Variants in PACSIN1 observed in about 807,000 individuals in gnomAD.
PACSIN1 encodes the protein protein kinase C and casein kinase substrate in neurons 1.
Under a neutral mutation model 59.5 loss-of-function variants are expected in PACSIN1, and 15 were observed. That is an observed-to-expected ratio of 0.25 (90% confidence interval 0.17 to 0.39). The LOEUF is 0.39. PACSIN1 is among the 10% of genes least tolerant of loss of function. PACSIN1 has a pLI of 1.00. For synonymous variants in PACSIN1, 210 were observed against 220.6 expected (o/e 0.95, Z 0.42); for missense variants, 420 against 580.2 (o/e 0.72, Z 2.84).
chr6:34,528,915 G>GGGGGGGGGGGC, intron 4 of PACSIN1, 38 bp downstream of exon 4: 2 of 653,172 alleles, frequency 3.1e-6, no homozygotes, highest in East Asian at 4.3e-5. Flanking sequence ...GGTGGGGTGG[G>GGGGGGGGGGGC]CCCGTCTGAT....
At chr6:34,487,984 C>T (rs923568591) in intron 1 of PACSIN1, among the ~76,000 whole-genome samples, 1 of 152,148 alleles carries the variant, frequency 6.6e-6, no homozygotes, top group Non-Finnish European at 1.5e-5. Context: ...GGTCTCTTTT[C>T]CTGGGGAGGC....
intron 1 of PACSIN1, among the ~76,000 whole-genome samples, chr6:34,508,093 A>C (rs1363230865): frequency 7.2e-6 from 1 of 139,720 alleles, no homozygotes; most frequent in Non-Finnish European, 1.6e-5. Flanking sequence ...ATCGTATGGT[A>C]GTTCTTTTTT....
chr6:34,494,901 G>A (rs1766926366), intron 1 of PACSIN1, among the ~76,000 whole-genome samples: 1 of 152,202 alleles, frequency 6.6e-6, no homozygotes, highest in South Asian at 2.1e-4. Flanking sequence ...AACACTGGTT[G>A]GTTGCTGTCT....
rs1767598260 is a variant in PACSIN1, at chr6:34,531,723, A to T, written c.1161A>T (p.Gly387=). Residue 387 remains glycine, a synonymous_variant, in exon 9 of 10, where the codon GGA becomes GGT. Transcript: ENST00000244458. The surrounding 1 kb of genome is among the most constrained non-coding windows in gnomAD (Gnocchi z 4.4). The stretch of plus-strand genomic sequence containing the variant: ...ACCCCTTTGAGGACGACTCCAAGGG[A>T]GTGCGCGTGCGGGCACTCTACGACT... ...GANPFEDDSK[G]VRVRALYDYD... is the part of the protein sequence containing the mutation. 1 of 1,607,644 alleles carries T rather than the reference A, an allele frequency of 6.2e-7. No individual in the cohort carries two copies.
chr6:34,470,890 A>G (rs544190125), intron 1 of PACSIN1, among the ~76,000 whole-genome samples: 10 of 152,272 alleles, frequency 6.6e-5, no homozygotes, highest in African/African-American at 2.4e-4. Flanking sequence ...AAAAAACTGT[A>G]TTTGTCATTT....
At chr6:34,517,349 T>C (rs1767311237) in intron 1 of PACSIN1, among the ~76,000 whole-genome samples, 1 of 151,900 alleles carries the variant, frequency 6.6e-6, no homozygotes, top group South Asian at 2.1e-4. Context: ...CACCATGGTC[T>C]GCTCTTCCCC....
At chr6:34,507,080 T>C (rs1027140894) in intron 1 of PACSIN1, among the ~76,000 whole-genome samples, 1 of 152,244 alleles carries the variant, frequency 6.6e-6, no homozygotes, top group Non-Finnish European at 1.5e-5. Flanking sequence ...GGGTCTCTGC[T>C]GATCCTTTGG....
chr6:34,471,070 T>C (rs1271488711), intron 1 of PACSIN1, among the ~76,000 whole-genome samples: 1 of 152,092 alleles, frequency 6.6e-6, no homozygotes, highest in East Asian at 1.9e-4. Context: ...CTCAGCCTCC[T>C]GAGTAGCTGA....
intron 1 of PACSIN1, among the ~76,000 whole-genome samples, chr6:34,499,125 A>C (rs999991290): frequency 1.3e-5 from 2 of 152,086 alleles, no homozygotes; most frequent in Non-Finnish European, 2.9e-5. Context: ...TTTTCCTACA[A>C]CTAGACAGTC....
intron 1 of PACSIN1, among the ~76,000 whole-genome samples, chr6:34,495,696 G>A (rs893508462): frequency 1.1e-4 from 17 of 152,142 alleles, no homozygotes; most frequent in African/African-American, 3.9e-4. Context: ...CAGGTGACCC[G>A]CCCACCTCGG....
At position 34,492,717 on chromosome 6, in the gene PACSIN1, G is replaced by A. The variant is rs117499308; in HGVS notation, c.-64+26447G>A. ...AATTCTAGTGAATTAATGCATGAAC[G>A]GAAAACCAAATAGTGCGTGCTCATT... On this transcript the variant is annotated intron_variant, in intron 1 of 9. Coordinates refer to ENST00000244458, the MANE Select transcript of PACSIN1 (RefSeq NM_020804.5). Among the ~76,000 whole-genome samples the A allele has an allele frequency of 6.8e-3, 1,042 of 152,264 alleles. 10 individuals carry two copies. Among genetic ancestry groups the A allele is most frequent in the African/African-American group, 0.015 (641 of 41,552 alleles).
intron 2 of PACSIN1, 139 bp from the exon 3 acceptor site, chr6:34,527,193 C>CGGGGG: frequency 1.5e-6 from 1 of 683,266 alleles, no homozygotes; most frequent in Non-Finnish European, 1.9e-6. Context: ...GGGCGGGGGG[C>CGGGGG]GGGGGCGGGG....
At chr6:34,483,665 G>A (rs1766754012) in intron 1 of PACSIN1, among the ~76,000 whole-genome samples, 1 of 83,658 alleles carries the variant, frequency 1.2e-5, no homozygotes. Flanking sequence ...TTTTTTTTGA[G>A]ACAGAGCTTC....
At chr6:34,504,727 T>C (rs1444251045) in intron 1 of PACSIN1, among the ~76,000 whole-genome samples, 2 of 152,224 alleles carry the variant, frequency 1.3e-5, no homozygotes, top group Non-Finnish European at 2.9e-5. Context: ...GGATTCCTTC[T>C]TGTATCTTTC....
intron 1 of PACSIN1, among the ~76,000 whole-genome samples, chr6:34,480,177 GGTT>G (rs1766695084): frequency 6.6e-6 from 1 of 150,476 alleles, no homozygotes; most frequent in African/African-American, 2.4e-5. Flanking sequence ...CCAGGATCCA[GGTT>G]GTTATTTGTA....
At chr6:34,510,110 C>T (rs1767176170) in intron 1 of PACSIN1, among the ~76,000 whole-genome samples, 1 of 152,222 alleles carries the variant, frequency 6.6e-6, no homozygotes, top group African/African-American at 2.4e-5. Context: ...TGTGGGTGGG[C>T]ATTTGGGTTG....
intron 1 of PACSIN1, among the ~76,000 whole-genome samples, chr6:34,498,560 G>A (rs1766980025): frequency 1.3e-5 from 2 of 152,054 alleles, no homozygotes; most frequent in African/African-American, 2.4e-5. Context: ...CACTTTGGGA[G>A]GCCGAGGCAG....
intron 1 of PACSIN1, among the ~76,000 whole-genome samples, chr6:34,517,297 G>A (rs980503700): frequency 2.0e-5 from 3 of 148,774 alleles, no homozygotes; most frequent in Non-Finnish European, 4.5e-5. Flanking sequence ...CTCACCTGGG[G>A]GACTGCAGCC....
At position 34,519,566 on chromosome 6, in the gene PACSIN1, G is replaced by A. The variant is rs569108990; in HGVS notation, c.-63-6677G>A. 1.8e-4 allele frequency among the ~76,000 whole-genome samples: 27 copies of A among 152,240 alleles called. No individual in the cohort carries two copies. In the South Asian group the frequency reaches 3.1e-3, roughly 18 times the overall value. On this transcript the variant is annotated intron_variant, in intron 1 of 9. Coordinates refer to ENST00000244458, the MANE Select transcript of PACSIN1 (RefSeq NM_020804.5). ...GGGGTATTAGCTGAGGAGGGGAGAAGGGGAGCCAGGTGATCCAGAGAGATG... is the reference window on the plus strand; with the variant it reads ...GGGGTATTAGCTGAGGAGGGGAGAAAGGGAGCCAGGTGATCCAGAGAGATG...
Sources: allele counts gnomAD v4.1 joint callset (sites outside exome capture counted in the v4.1 genomes callset), GRCh38; gene constraint gnomAD v4.1.1; non-coding constraint Gnocchi (gnomAD v3.1); transcripts MANE v1.5; gene names NCBI Gene and HGNC (gene_info 2026-07-23, HGNC 2026-07-21).